Variants in LYPD6 observed in about 807,000 individuals in gnomAD.
LYPD6 encodes the protein ly6/PLAUR domain-containing protein 6.
LYPD6 carries 15 observed loss-of-function variants against 22.7 expected under a neutral mutation model. The ratio of observed to expected loss-of-function variants is 0.66; its 90% confidence interval spans 0.44 to 1.02. The LOEUF (loss-of-function observed/expected upper bound fraction) is 1.02. Among genes scored for constraint, LYPD6 ranks in the 50% least tolerant of loss-of-function variants. The pLI is 0.00. For missense variants in LYPD6, 189 were observed against 208.4 expected (o/e 0.91, Z 0.57); for synonymous variants, 72 against 77.5 (o/e 0.93, Z 0.37).
At chr2:149,360,535 T>G (rs1681552131) in intron 1 of LYPD6, among the ~76,000 whole-genome samples, 1 of 152,196 alleles carries the variant, frequency 6.6e-6, no homozygotes, top group South Asian at 2.1e-4. Flanking sequence ...CCTGTTGGTA[T>G]CACTTTGGAA....
intron 1 of LYPD6, among the ~76,000 whole-genome samples, chr2:149,335,349 G>C (rs761445664): frequency 2.6e-5 from 4 of 152,026 alleles, no homozygotes; most frequent in Non-Finnish European, 5.9e-5. Context: ...TTATGTCTTA[G>C]TTTTTAACAA....
the LYPD6 span, among the ~76,000 whole-genome samples, chr2:149,479,343 G>A: frequency 6.6e-6 from 1 of 152,108 alleles, no homozygotes; most frequent in Non-Finnish European, 1.5e-5. Flanking sequence ...TTCCATGCCT[G>A]TTATTTAAGT....
intron 3 of LYPD6, chr2:149,464,146 A>T: frequency 4.8e-6 from 2 of 412,936 alleles, no homozygotes; most frequent in Non-Finnish European, 9.6e-6. Flanking sequence ...ACACAAAAAA[A>T]TCAATTGTTT....
intron 1 of LYPD6, among the ~76,000 whole-genome samples, chr2:149,346,954 C>T (rs768818184): frequency 3.3e-5 from 5 of 152,196 alleles, no homozygotes; most frequent in Non-Finnish European, 5.9e-5. Context: ...CCGCCTTGGC[C>T]TCCCAAAGTT....
intron 3 of LYPD6, among the ~76,000 whole-genome samples, chr2:149,460,329 AG>A (rs1681060115): frequency 9.0e-6 from 1 of 111,120 alleles, no homozygotes; most frequent in Non-Finnish European, 2.1e-5. Context: ...GAATGGAAAA[AG>A]ATAGTAGGGA....
intron 1 of LYPD6, among the ~76,000 whole-genome samples, chr2:149,391,969 G>T (rs1158605004): frequency 6.6e-6 from 1 of 152,164 alleles, no homozygotes; most frequent in Non-Finnish European, 1.5e-5. Flanking sequence ...CAGACTGGGT[G>T]GCTCATACAA....
chr2:149,358,201 C>T lies in LYPD6; in HGVS notation c.-72+27479C>T, dbSNP rs192655220. Among the ~76,000 whole-genome samples the T allele has an allele frequency of 2.9e-3, 441 of 152,172 alleles. 2 individuals are homozygous for T. The highest frequency in any genetic ancestry group is 0.01 in the African/African-American group (420 of 41,522). On this transcript the variant is annotated intron_variant, in intron 1 of 4. Coordinates refer to ENST00000334166, the MANE Select transcript of LYPD6 (RefSeq NM_194317.5). Reference sequence around the variant, plus strand: ...CCTATAAATGGATTTTGAAGATATCCTTGCCTTAAAGAGACCAAATAATAT... The same window carrying T: ...CCTATAAATGGATTTTGAAGATATCTTTGCCTTAAAGAGACCAAATAATAT...
chr2:149,401,896 T>A (rs941089460), intron 1 of LYPD6, among the ~76,000 whole-genome samples: 6 of 148,216 alleles, frequency 4.0e-5, no homozygotes, highest in Non-Finnish European at 9.0e-5. Context: ...CAAAGTTCAA[T>A]GTATCATTCT....
At chr2:149,464,144 A>C (rs1286879760) in intron 3 of LYPD6, 2 of 414,026 alleles carry the variant, frequency 4.8e-6, no homozygotes, top group Non-Finnish European at 9.6e-6. Flanking sequence ...AAACACAAAA[A>C]AATCAATTGT....
chr2:149,403,821 G>T (rs1682623276), intron 1 of LYPD6, among the ~76,000 whole-genome samples: 1 of 152,108 alleles, frequency 6.6e-6, no homozygotes, highest in Admixed American at 6.6e-5. Context: ...CCTATGTCCT[G>T]AATGGTAATG....
Position 149,462,694 on chromosome 2 carries a change from G to A in LYPD6, c.218-5951G>A, listed in dbSNP as rs188757486. Among the ~76,000 whole-genome samples, 21 of 152,020 alleles carry A rather than the reference G, an allele frequency of 1.4e-4. No individual in the cohort carries two copies. The East Asian group carries it at 1.7e-3, about 13-fold the overall frequency. On this transcript the variant is annotated intron_variant, in intron 3 of 4. Coordinates refer to ENST00000334166, the MANE Select transcript of LYPD6 (RefSeq NM_194317.5). ...ATACAGCTGTAGTAATCAAGACTGC[G>A]GTACTGACAGAGAAATAGACATAGA...
Position 149,471,807 on chromosome 2 carries a change from TACTC to T in LYPD6, c.*958_*961del, listed in dbSNP as rs1681340970. ...CGACTAAGTGGCTCAGCCAGCTTCTTACTCCATCTGCAGTTCATACTGCCAAAGA... is the reference window on the plus strand; with the variant it reads ...CGACTAAGTGGCTCAGCCAGCTTCTTCATCTGCAGTTCATACTGCCAAAGA... On this transcript the variant is annotated 3_prime_UTR_variant, in exon 5 of 5. Transcript: ENST00000334166. 2 of 152,762 alleles carry T rather than the reference TACTC, an allele frequency of 1.3e-5. No individual in the cohort carries two copies. The highest frequency in any genetic ancestry group is 4.1e-4 in the South Asian group (2 of 4,830). 9.5% of individuals were successfully genotyped at this position (152,762 alleles called of 1,614,324 possible).
At chr2:149,474,770 G>T (rs902028058), downstream of LYPD6, among the ~76,000 whole-genome samples, 10 of 151,912 alleles carry the variant, frequency 6.6e-5, no homozygotes, top group African/African-American at 2.4e-4. Context: ...TGGGTTTTTT[G>T]TTTGTTTGTT....
intron 1 of LYPD6, among the ~76,000 whole-genome samples, chr2:149,401,803 C>T (rs1682561478): frequency 6.6e-6 from 1 of 152,102 alleles, no homozygotes; most frequent in African/African-American, 2.4e-5. Context: ...GATTTTGGTG[C>T]ACCCAACACC....
intron 1 of LYPD6, among the ~76,000 whole-genome samples, chr2:149,420,403 G>A (rs918677430): frequency 2.6e-5 from 4 of 152,128 alleles, no homozygotes; most frequent in Admixed American, 2.0e-4. Flanking sequence ...AAATGTGACC[G>A]TCCCGCTGGC....
intron 2 of LYPD6, among the ~76,000 whole-genome samples, chr2:149,442,282 C>T (rs1683585374): frequency 6.6e-6 from 1 of 152,036 alleles, no homozygotes; most frequent in East Asian, 1.9e-4. Context: ...TAACTGAAGG[C>T]CTTTGTCTAG....
At chr2:149,389,090 T>G (rs1682251016) in intron 1 of LYPD6, among the ~76,000 whole-genome samples, 1 of 152,118 alleles carries the variant, frequency 6.6e-6, no homozygotes, top group South Asian at 2.1e-4. Flanking sequence ...AAAGAAAGAG[T>G]GACTAGAAGG....
chr2:149,341,189 C>T (rs1681153624), intron 1 of LYPD6, among the ~76,000 whole-genome samples: 1 of 151,934 alleles, frequency 6.6e-6, no homozygotes, highest in South Asian at 2.1e-4. Flanking sequence ...AAAGAACTAC[C>T]CGAGTGAATT....
intron 1 of LYPD6, among the ~76,000 whole-genome samples, chr2:149,366,543 GAAA>G (rs1681670268): frequency 1.3e-5 from 2 of 152,294 alleles, no homozygotes; most frequent in East Asian, 3.9e-4. Flanking sequence ...CAGAGCCAGA[GAAA>G]AAGAACAAGG....
Sources: allele counts gnomAD v4.1 joint callset (sites outside exome capture counted in the v4.1 genomes callset), GRCh38; gene constraint gnomAD v4.1.1; transcripts MANE v1.5; gene names NCBI Gene and HGNC (gene_info 2026-07-23, HGNC 2026-07-21).